Variants in TMEM266 observed in about 807,000 individuals in gnomAD.
TMEM266 encodes Hv1 related protein 1.
In TMEM266, 33 loss-of-function variants were observed where a neutral mutation model predicts 50.5. The ratio of observed to expected loss-of-function variants is 0.65; its 90% CI spans 0.50 to 0.87. The LOEUF (loss-of-function observed/expected upper bound fraction) is 0.87. Among genes scored for constraint, TMEM266 ranks in the 40% least tolerant of loss-of-function variants. TMEM266 has a pLI of 0.00. For missense variants in TMEM266, 655 were observed against 695.1 expected (o/e 0.94, Z 0.65); for synonymous variants, 310 against 292.3 (o/e 1.06, Z -0.62).
At chr15:76,198,527 C>T (rs972834335) in intron 9 of TMEM266, among the ~76,000 whole-genome samples, 1 of 152,212 alleles carries the variant, frequency 6.6e-6, no homozygotes, top group Non-Finnish European at 1.5e-5. Flanking sequence ...TAGGAGGAAC[C>T]AGGGTGGGCA....
At chr15:76,193,931 G>A (rs1228022527) in intron 9 of TMEM266, among the ~76,000 whole-genome samples, 2 of 152,216 alleles carry the variant, frequency 1.3e-5, no homozygotes, top group African/African-American at 2.4e-5. Flanking sequence ...GCTCTCCAGC[G>A]TTTTGGTCCC....
At chr15:76,099,355 C>T (rs2036965529) in intron 1 of TMEM266, among the ~76,000 whole-genome samples, 1 of 152,228 alleles carries the variant, frequency 6.6e-6, no homozygotes, top group Non-Finnish European at 1.5e-5. Context: ...TTGTGCTTCC[C>T]AGGTGAGGCA....
At chr15:76,132,229 C>A (rs2142027777) in intron 1 of TMEM266, among the ~76,000 whole-genome samples, 1 of 152,020 alleles carries the variant, frequency 6.6e-6, no homozygotes, top group South Asian at 2.1e-4. Context: ...CTGCCTCAGC[C>A]TCCTGAGTAG....
rs141566322 is a variant in TMEM266, at chr15:76,192,123, C to G, written c.924C>G (p.Ala308=). 5.7e-6 allele frequency: 8 copies of G among 1,411,768 alleles called. No homozygotes were observed. The highest frequency in any genetic ancestry group is 2.6e-4 in the Middle Eastern group (1 of 3,902). 87.5% of individuals were successfully genotyped at this position (1,411,768 alleles called of 1,614,324 possible). Reference sequence around the variant, plus strand: ...GCACGTGGGACGAGGAGACGGCGGCCGAGAGCGTCGTGGAGGAGCTGCAGC... The same window carrying G: ...GCACGTGGGACGAGGAGACGGCGGCGGAGAGCGTCGTGGAGGAGCTGCAGC... Residue 308 remains alanine, a synonymous_variant, in exon 9 of 11, where the codon GCC becomes GCG. Transcript: ENST00000388942.
At chr15:76,065,520 C>A (rs903496262) in intron 1 of TMEM266, among the ~76,000 whole-genome samples, 2 of 152,200 alleles carry the variant, frequency 1.3e-5, no homozygotes, top group East Asian at 1.9e-4. Context: ...CCTTCCTGTT[C>A]TATCAAGAGG....
At chr15:76,154,174 T>C (rs566139706) in intron 3 of TMEM266, among the ~76,000 whole-genome samples, 1 of 152,320 alleles carries the variant, frequency 6.6e-6, no homozygotes, top group African/African-American at 2.4e-5. Context: ...CCAGTTAAAT[T>C]TGGATTTCAG....
rs1217029860 is a variant in TMEM266, at chr15:76,168,459, G to A, written c.457-1357G>A. 1.3e-5 allele frequency among the ~76,000 whole-genome samples: 2 copies of A among 152,194 alleles called. No homozygotes were observed. The highest frequency in any genetic ancestry group is 4.8e-5 in the African/African-American group (2 of 41,436). ...GGCTAGGCTTGTACTACAGGCATGC[G>A]GGAGAGGGGCACCATCTGGTGTGAA... On this transcript the variant is annotated intron_variant, in intron 5 of 10. Transcript: ENST00000388942. The surrounding 1 kb of genome is among the most constrained non-coding windows in gnomAD (Gnocchi z 4.4).
At position 76,072,205 on chromosome 15, in the gene TMEM266, G is replaced by A. The variant is rs186266734; in HGVS notation, c.-97+12189G>A. ...TGTAATCCCAGCACTTTGGGAGGCC[G>A]AGGTAGGCGGATCACCTGAGGTCAG... On this transcript the variant is annotated intron_variant, in intron 1 of 10. Transcript: ENST00000388942. 5.2e-3 allele frequency among the ~76,000 whole-genome samples: 795 copies of A among 152,114 alleles called. 7 individuals carry two copies. The highest frequency in any genetic ancestry group is 0.019 in the African/African-American group (779 of 41,500).
intron 3 of TMEM266, among the ~76,000 whole-genome samples, chr15:76,145,334 CAGTGATTTCCACTGGAAAT>C (rs1480991706): frequency 8.6e-5 from 13 of 151,892 alleles, no homozygotes; most frequent in African/African-American, 1.7e-4. Flanking sequence ...CGACAGGAAC[CAGTGATTTCCACTGGAAAT>C]GGTGATTTCC....
intron 3 of TMEM266, among the ~76,000 whole-genome samples, chr15:76,140,001 A>G (rs2037652908): frequency 6.6e-6 from 1 of 152,242 alleles, no homozygotes; most frequent in Non-Finnish European, 1.5e-5. Flanking sequence ...CTGAACCCCA[A>G]GGCTGGCAGA....
intron 9 of TMEM266, among the ~76,000 whole-genome samples, chr15:76,192,517 A>G (rs557049208): frequency 1.3e-5 from 2 of 152,272 alleles, no homozygotes; most frequent in Admixed American, 1.3e-4. Context: ...AAAGCCGTCC[A>G]AAGGCGCATC....
At chr15:76,112,419 G>C (rs781283346) in intron 1 of TMEM266, 1 of 152,170 alleles carries the variant, frequency 6.6e-6, no homozygotes, top group Non-Finnish European at 1.5e-5. Context: ...TGTACTTTCT[G>C]CTCAGTTTTT....
rs540647010 is a variant in TMEM266 at position 76,137,811 on chromosome 15, G to A, written c.143G>A (p.Arg48Gln). ...GTGCAGCTGGTGAACTTTGCCTATC[G>A]GGACTTGCCCCTGGCTGCTGTCGAT... The change falls in exon 3 of 11, where the codon CGG (arginine) becomes CAG (glutamine). Residue 48 changes from arginine (R) to glutamine (Q), a missense_variant. This residue lies in a region of TMEM266 where 99 missense variants were observed against 110.8 expected (regional missense o/e 0.89). Transcript: ENST00000388942. 2.5e-5 allele frequency: 41 copies of A among 1,613,892 alleles called. No individual in the cohort carries two copies. The East Asian group carries it at 6.9e-4, about 27-fold the overall frequency.
In TMEM266 at chr15:76,084,761, C is replaced by T. The variant is rs544208488; in HGVS notation, c.-97+24745C>T. ...GACTACAGGCTCATGCCACCATGCC[C>T]GGCTAATTTTTTGTATTTTTAGTAG... is the stretch of plus-strand genomic sequence containing the variant. On this transcript the variant is annotated intron_variant, in intron 1 of 10. Coordinates refer to ENST00000388942, the MANE Select transcript of TMEM266 (RefSeq NM_152335.3). Among the ~76,000 whole-genome samples, 174 of 151,472 alleles carry T rather than the reference C, an allele frequency of 1.1e-3. 1 individual carries two copies. Among genetic ancestry groups the T allele is most frequent in the African/African-American group, 3.9e-3 (161 of 41,328 alleles).
intron 1 of TMEM266, among the ~76,000 whole-genome samples, chr15:76,116,512 C>T (rs1271807669): frequency 6.6e-6 from 1 of 152,126 alleles, no homozygotes; most frequent in East Asian, 1.9e-4. Context: ...ACTCCCCTCC[C>T]TCTCCTCACT....
intron 1 of TMEM266, among the ~76,000 whole-genome samples, chr15:76,127,322 CCTT>C (rs2037438538): frequency 7.1e-6 from 1 of 140,828 alleles, no homozygotes; most frequent in South Asian, 2.1e-4. Flanking sequence ...TACCTCTAGT[CCTT>C]TTTTTTTTTT....
rs569749565 is a variant in TMEM266, at chr15:76,154,582, A to G, written c.228-2022A>G. Among the ~76,000 whole-genome samples the G allele has an allele frequency of 1.7e-3, 260 of 152,084 alleles. 1 individual carries two copies. Among genetic ancestry groups the G allele is most frequent in the Non-Finnish European group, 2.9e-3 (197 of 67,996 alleles). On this transcript the variant is annotated intron_variant, in intron 3 of 10. Transcript: ENST00000388942. ...ATCTCTTGCCCCATACTCTTGGACC[A>G]TGCGGGGTTCACATCGACCATCCCC...
At chr15:76,147,107 C>T (rs987403727) in intron 3 of TMEM266, among the ~76,000 whole-genome samples, 10 of 152,150 alleles carry the variant, frequency 6.6e-5, no homozygotes, top group Non-Finnish European at 1.2e-4. Flanking sequence ...GGGAGCTGGT[C>T]CCTAGATCTC....
chr15:76,130,022 G>A (rs533061406), intron 1 of TMEM266, among the ~76,000 whole-genome samples: 5 of 149,710 alleles, frequency 3.3e-5, no homozygotes, highest in African/African-American at 1.2e-4. Context: ...CTAGGAGTTC[G>A]AGACCAGCCT....
Sources: gnomAD v4.1 joint callset for allele counts (sites outside exome capture counted in the v4.1 genomes callset) on GRCh38, gnomAD v4.1.1 for gene constraint, gnomAD v4.1.1 regional missense constraint, Gnocchi (gnomAD v3.1) non-coding constraint, MANE v1.5 for transcripts, NCBI Gene and HGNC (gene_info 2026-07-23, HGNC 2026-07-21) for gene names.